Variants in VPS37B observed in about 807,000 individuals in gnomAD.
The protein encoded by VPS37B is VPS37B subunit of ESCRT-I, also known as vacuolar protein sorting-associated protein 37B.
Under a neutral mutation model 21.2 loss-of-function variants are expected in VPS37B, and 11 were observed. The ratio of observed to expected loss-of-function variants is 0.52; its 90% CI spans 0.33 to 0.86. The LOEUF (loss-of-function observed/expected upper bound fraction) is 0.86, where lower values mean the gene tolerates loss of function less well. Among genes scored for constraint, VPS37B ranks in the 40% least tolerant of loss-of-function variants. VPS37B has a pLI of 0.03. For synonymous variants in VPS37B, 175 were observed against 159.6 expected, an observed-to-expected ratio of 1.10 and a Z score of -0.73; for missense variants, 389 against 374.8, an observed-to-expected ratio of 1.04 and a Z score of -0.31.
intron 1 of VPS37B, chr12:122,872,564 G>A (rs1355846720): frequency 2.0e-6 from 2 of 985,282 alleles, no homozygotes; most frequent in African/African-American, 1.7e-5. Flanking sequence ...CGGGTTTCTG[G>A]TAAGCAGTGG....
intron 1 of VPS37B, chr12:122,886,996 C>T (rs1334504667): frequency 1.3e-5 from 2 of 152,214 alleles, no homozygotes; most frequent in African/African-American, 4.8e-5. Context: ...CCTCCTATCA[C>T]TTATTTCTTG....
intron 1 of VPS37B, among the ~76,000 whole-genome samples, chr12:122,895,550 C>A (rs1450224889): frequency 6.6e-6 from 1 of 151,970 alleles, no homozygotes; most frequent in East Asian, 1.9e-4. Flanking sequence ...CTAGACCCAA[C>A]GATAGCACTC....
Position 122,868,537 on chromosome 12 carries a change from C to T in VPS37B, c.309G>A (p.Leu103=). Residue 103 remains leucine, a synonymous_variant, in exon 3 of 4, where the codon TTG becomes TTA. Transcript: ENST00000267202. The surrounding 1 kb of genome is among the most constrained non-coding windows in gnomAD (Gnocchi z 5.5). The part of the protein sequence containing the change: ...KLDRQSSSAS[L]ETLLALLQAE... ...CCTGAAGAAGTGCTAACAGGGTCTC[C>T]AAGGAAGCACTGCTAGACTGTCTGT... 1 of 1,613,804 alleles carries T rather than the reference C, an allele frequency of 6.2e-7. No homozygotes were observed. Among genetic ancestry groups the T allele is most frequent in the East Asian group, 2.2e-5 (1 of 44,880 alleles).
chr12:122,870,870 G>T lies in VPS37B; in HGVS notation c.283+20C>A. ...TTCTCTCAACTCTTTATTCTCGAAT[G>T]ATCACCCTTAAAAAGTTACCTAATT... On this transcript the variant is annotated intron_variant, in intron 2 of 3. Transcript: ENST00000267202. 6.3e-7 allele frequency: 1 copy of T among 1,595,102 alleles called. No homozygotes were observed. The highest frequency in any genetic ancestry group is 1.1e-5 in the South Asian group (1 of 89,066).
At chr12:122,891,522 A>G (rs1413843136) in intron 1 of VPS37B, among the ~76,000 whole-genome samples, 1 of 152,236 alleles carries the variant, frequency 6.6e-6, no homozygotes, top group Non-Finnish European at 1.5e-5. Context: ...ACTGAATTTC[A>G]GTACATATTC....
rs1243424500 is a variant in VPS37B, at chr12:122,867,988, GA to G, written c.367-382del. 6.6e-6 allele frequency among the ~76,000 whole-genome samples: 1 copy of G among 152,222 alleles called. No homozygotes were observed. The highest frequency in any genetic ancestry group is 2.4e-5 in the African/African-American group (1 of 41,452). The stretch of plus-strand genomic sequence containing the variant: ...TCGCCCTGGGTGGGTAAGCAAGACA[GA>G]AACACCTGTGCCCCCAGGGCTTCAG... On this transcript the variant is annotated intron_variant, in intron 3 of 3. Coordinates refer to ENST00000267202, the MANE Select transcript of VPS37B (RefSeq NM_024667.3). This position sits in a 1 kb window ranked among gnomAD's most constrained non-coding sequence, Gnocchi z 5.5.
rs985436155 is a variant in VPS37B, at chr12:122,868,143, C to T, written c.366+337G>A. Among the ~76,000 whole-genome samples the T allele has an allele frequency of 3.9e-5, 6 of 152,222 alleles. No individual in the cohort carries two copies. The highest frequency in any genetic ancestry group is 7.2e-5 in the African/African-American group (3 of 41,456). On this transcript the variant is annotated intron_variant, in intron 3 of 3. Coordinates refer to ENST00000267202, the MANE Select transcript of VPS37B (RefSeq NM_024667.3). This position sits in a 1 kb window ranked among gnomAD's most constrained non-coding sequence, Gnocchi z 5.5. Reference sequence around the variant, plus strand: ...CTCAAGGCTCTAATGCGCAGCTGGACGTGTCCCAGAAGCTCTGTAGCCTCC... The same window carrying T: ...CTCAAGGCTCTAATGCGCAGCTGGATGTGTCCCAGAAGCTCTGTAGCCTCC...
chr12:122,865,944 CCCTCAATCCCATGGGG>C lies in VPS37B; in HGVS notation c.*1156_*1171del, dbSNP rs1162785358. On this transcript the variant is annotated 3_prime_UTR_variant, in exon 4 of 4. Coordinates refer to ENST00000267202, the MANE Select transcript of VPS37B (RefSeq NM_024667.3). ...GCAGACGGTTGGAGTGCAGCCCCGT[CCCTCAATCCCATGGGG>C]CGGGCTTTCGCCAAACCCCTAACGT... 1 of 152,446 alleles carries C rather than the reference CCCTCAATCCCATGGGG, an allele frequency of 6.6e-6. No individual in the cohort carries two copies. The highest frequency in any genetic ancestry group is 2.4e-5 in the African/African-American group (1 of 41,464). 9.4% of individuals were successfully genotyped at this position (152,446 alleles called of 1,614,324 possible).
At position 122,867,410 on chromosome 12, in the gene VPS37B, G is replaced by C; in HGVS notation, c.564C>G (p.Pro188=). ...PRLPELAPTA[P]LPYPAPEASG... Reference sequence around the variant, plus strand: ...TGGCCTCTGGGGCAGGGTAGGGAAGGGGGGCGGTAGGTGCCAGTTCGGGCA... The same window carrying C: ...TGGCCTCTGGGGCAGGGTAGGGAAGCGGGGCGGTAGGTGCCAGTTCGGGCA... The change falls in exon 4 of 4, where the codon CCC becomes CCG. Residue 188 remains proline (P), a synonymous_variant. Transcript: ENST00000267202. This position sits in a 1 kb window ranked among gnomAD's most constrained non-coding sequence, Gnocchi z 5.5. The C allele has an allele frequency of 1.9e-6, 3 of 1,609,128 alleles. No homozygotes were observed. Among genetic ancestry groups the C allele is most frequent in the Non-Finnish European group, 2.5e-6 (3 of 1,178,850 alleles).
intron 1 of VPS37B, among the ~76,000 whole-genome samples, chr12:122,890,336 GCTTTTTTTTTTTT>G (rs1365770085): frequency 6.8e-6 from 1 of 147,710 alleles, no homozygotes; most frequent in African/African-American, 2.5e-5. Context: ...TTCACACGTG[GCTTTTTTTTTTTT>G]TTGAGACAGC....
At chr12:122,871,120 G>A (rs936642923) in intron 1 of VPS37B, 59 bp from the exon 2 acceptor site, 180 of 1,588,198 alleles carry the variant, frequency 1.1e-4, no homozygotes, top group Non-Finnish European at 1.5e-4. Flanking sequence ...AAACCCCTGA[G>A]GTCCCCACGC....
chr12:122,865,383 C>T lies in VPS37B; in HGVS notation c.*1733G>A, dbSNP rs527774952. 7.9e-5 allele frequency: 12 copies of T among 152,362 alleles called. No individual in the cohort carries two copies. Among genetic ancestry groups the T allele is most frequent in the African/African-American group, 2.9e-4 (12 of 41,582 alleles). The allele number at this position is 152,362 out of a possible 1,614,324, so 9.4% of individuals were successfully genotyped here. ...GGGTCCTACAGCTTTACAGCCACAG[C>T]ACCGGACACGGCCCTGGACAGCGAC... is the stretch of plus-strand genomic sequence containing the variant. On this transcript the variant is annotated 3_prime_UTR_variant, in exon 4 of 4. Transcript: ENST00000267202.
At chr12:122,876,283 A>C (rs1441256981) in intron 1 of VPS37B, 1 of 152,214 alleles carries the variant, frequency 6.6e-6, no homozygotes, top group Non-Finnish European at 1.5e-5. Context: ...GCAAGCACGC[A>C]TAACTTTGTA....
intron 1 of VPS37B, among the ~76,000 whole-genome samples, chr12:122,891,682 C>T (rs1433189959): frequency 6.6e-6 from 1 of 152,204 alleles, no homozygotes; most frequent in Non-Finnish European, 1.5e-5. Flanking sequence ...ATCTTAGCTT[C>T]TAAAACAGTC....
chr12:122,870,863 C>T, intron 2 of VPS37B, 27 bp downstream of exon 2: 2 of 1,582,202 alleles, frequency 1.3e-6, no homozygotes, highest in Non-Finnish European at 1.7e-6. Flanking sequence ...ACTCTTTATT[C>T]TCGAATGATC....
intron 1 of VPS37B, chr12:122,880,373 C>G (rs973141856): frequency 2.0e-5 from 3 of 152,148 alleles, no homozygotes; most frequent in African/African-American, 4.8e-5. Flanking sequence ...TACCCATTAA[C>G]TGTGGTGAAA....
chr12:122,895,283 C>A (rs1181682592), intron 1 of VPS37B, among the ~76,000 whole-genome samples: 3 of 151,914 alleles, frequency 2.0e-5, no homozygotes, highest in Admixed American at 6.6e-5. Flanking sequence ...ATCTTGGAAC[C>A]CTCAATCCTC....
In VPS37B at chr12:122,868,984, C is replaced by T. The variant is rs763880158; in HGVS notation, c.284-422G>A. ...CACTGCACCCGCCAGATAACCCCTACGCTGGCCTCCACCACCACAGAGGAG... is the reference window on the plus strand; with the variant it reads ...CACTGCACCCGCCAGATAACCCCTATGCTGGCCTCCACCACCACAGAGGAG... On this transcript the variant is annotated intron_variant, in intron 2 of 3. Transcript: ENST00000267202. The surrounding 1 kb of genome is among the most constrained non-coding windows in gnomAD (Gnocchi z 5.5). Among the ~76,000 whole-genome samples, 6 of 152,212 alleles carry T rather than the reference C, an allele frequency of 3.9e-5. No homozygotes were observed. The highest frequency in any genetic ancestry group is 8.8e-5 in the Non-Finnish European group (6 of 68,036).
At chr12:122,894,897 C>T (rs2034467840) in intron 1 of VPS37B, among the ~76,000 whole-genome samples, 1 of 152,144 alleles carries the variant, frequency 6.6e-6, no homozygotes, top group Non-Finnish European at 1.5e-5. Flanking sequence ...ATTTTAACTT[C>T]TTCCTGAAAC....
Sources: gnomAD v4.1 joint callset for allele counts (sites outside exome capture counted in the v4.1 genomes callset) on GRCh38, gnomAD v4.1.1 for gene constraint, Gnocchi (gnomAD v3.1) non-coding constraint, MANE v1.5 for transcripts, NCBI Gene and HGNC (gene_info 2026-07-23, HGNC 2026-07-21) for gene names.